Variants in ADCY1 observed in about 807,000 individuals in gnomAD.
ADCY1 encodes the protein adenylate cyclase 1.
ADCY1 carries 28 observed loss-of-function variants against 105.4 expected under a neutral mutation model. The ratio of observed to expected loss-of-function variants is 0.27; its 90% CI spans 0.20 to 0.36. The LOEUF (loss-of-function observed/expected upper bound fraction) is 0.36. ADCY1 is among the 10% of genes least tolerant of loss of function. The probability of loss-of-function intolerance (pLI) is 1.00; values close to 1 mark genes in which losing one functional copy is unlikely to be tolerated. For synonymous variants in ADCY1, 655 were observed against 623.8 expected, an observed-to-expected ratio of 1.05 and a Z score of -0.75; for missense variants, 977 against 1,434.2, an observed-to-expected ratio of 0.68 and a Z score of 5.15.
At chr7:45,620,754 C>T (rs1793869078) in intron 3 of ADCY1, among the ~76,000 whole-genome samples, 1 of 152,148 alleles carries the variant, frequency 6.6e-6, no homozygotes, top group Admixed American at 6.5e-5. Context: ...CATCGGAAAC[C>T]AGGGAGGCCA....
At chr7:45,711,913 A>ATTATATTT (rs1785251472) in intron 19 of ADCY1, among the ~76,000 whole-genome samples, 2 of 110,680 alleles carry the variant, frequency 1.8e-5, no homozygotes, top group African/African-American at 3.6e-5. Context: ...TAAATATATA[A>ATTATATTT]ATATATTATA....
chr7:45,655,550 C>G (rs527405125), intron 5 of ADCY1, among the ~76,000 whole-genome samples: 1 of 152,352 alleles, frequency 6.6e-6, no homozygotes, highest in South Asian at 2.1e-4. Flanking sequence ...ACTATGAGAA[C>G]AGTTCTGGGT....
At chr7:45,666,027 G>A (rs1181758035) in intron 8 of ADCY1, among the ~76,000 whole-genome samples, 1 of 152,162 alleles carries the variant, frequency 6.6e-6, no homozygotes, top group East Asian at 1.9e-4. Context: ...GTGCTCGCTC[G>A]CACCACTGAT....
In ADCY1 at chr7:45,691,943, G is replaced by A. The variant is rs997534988; in HGVS notation, c.2454+5270G>A. ...GGAGGAGTTTATGTCATATAAAGCCGTGGTCATCATGCTTCTTGGACCCTG... is the reference window on the plus strand; with the variant it reads ...GGAGGAGTTTATGTCATATAAAGCCATGGTCATCATGCTTCTTGGACCCTG... On this transcript the variant is annotated intron_variant, in intron 14 of 19. Transcript: ENST00000297323. 6.0e-5 allele frequency among the ~76,000 whole-genome samples: 9 copies of A among 151,246 alleles called. No individual in the cohort carries two copies. The South Asian group carries it at 8.3e-4, about 14-fold the overall frequency.
chr7:45,575,263 C>T lies in ADCY1; in HGVS notation c.639+81C>T, dbSNP rs1792300359. The T allele has an allele frequency of 2.0e-6, 3 of 1,488,670 alleles. No individual in the cohort carries two copies. Among genetic ancestry groups the T allele is most frequent in the Non-Finnish European group, 2.7e-6 (3 of 1,125,314 alleles). 92.2% of individuals were successfully genotyped at this position (1,488,670 alleles called of 1,614,324 possible). A position where few individuals can be genotyped will look rare whatever the true frequency, so the allele number is the denominator to read the frequency against. On this transcript the variant is annotated intron_variant, in intron 1 of 19. Transcript: ENST00000297323. This position sits in a 1 kb window ranked among gnomAD's most constrained non-coding sequence, Gnocchi z 4.7. ...CTGGGAATGCCCGGAGTCGGGCGCG[C>T]TTTTTCCTATGCGGCGGGTGGGGAC...
intron 4 of ADCY1, among the ~76,000 whole-genome samples, chr7:45,628,009 C>T (rs934906903): frequency 6.6e-6 from 1 of 152,194 alleles, no homozygotes; most frequent in East Asian, 1.9e-4. Context: ...CTGCCCCTGG[C>T]AGGCTCCTGG....
In ADCY1 at chr7:45,722,022, G is replaced by A. The variant is rs541211703; in HGVS notation, c.*8027G>A. Reference sequence around the variant, plus strand: ...CCTGCCTGTGGGCATCCACCTCCCAGGTGAGGGCAGTGGGAAGCTGGCCCG... The same window carrying A: ...CCTGCCTGTGGGCATCCACCTCCCAAGTGAGGGCAGTGGGAAGCTGGCCCG... On this transcript the variant is annotated 3_prime_UTR_variant, in exon 20 of 20. Transcript: ENST00000297323. The A allele has an allele frequency of 4.6e-5, 18 of 392,568 alleles. No individual in the cohort carries two copies. The South Asian group carries it at 1.9e-3, about 41-fold the overall frequency. 24.3% of individuals were successfully genotyped at this position (392,568 alleles called of 1,614,324 possible).
chr7:45,668,306 A>G (rs1247427811), intron 8 of ADCY1, among the ~76,000 whole-genome samples: 3 of 152,226 alleles, frequency 2.0e-5, no homozygotes, highest in Admixed American at 6.5e-5. Flanking sequence ...ACATCCCATC[A>G]ATACCTAATT....
At chr7:45,602,259 T>C (rs774859359) in intron 2 of ADCY1, among the ~76,000 whole-genome samples, 35 of 151,614 alleles carry the variant, frequency 2.3e-4, no homozygotes, top group Non-Finnish European at 5.0e-4. Flanking sequence ...GGCTTCAGGG[T>C]GTTCATGGTC....
Position 45,703,427 on chromosome 7 carries a change from A to G in ADCY1, c.2506A>G (p.Ile836Val). ...GAAGGTGAAGCTGGACAACAGGCGC[A>G]TCCTCTTCAACCTCCTGCCGGCCCA... ...MEKVKLDNRR[I>V]LFNLLPAHVA... The change falls in exon 15 of 20, where the codon ATC (isoleucine) becomes GTC (valine). Residue 836 changes from isoleucine to valine, a missense_variant. Around this residue, in one of 7 missense-constraint regions of ADCY1, gnomAD observed 152 missense variants for 293.7 expected, o/e 0.52. Coordinates refer to ENST00000297323, the MANE Select transcript of ADCY1 (RefSeq NM_021116.4). The surrounding 1 kb of genome is among the most constrained non-coding windows in gnomAD (Gnocchi z 5.9). The G allele has an allele frequency of 1.2e-6, 2 of 1,614,064 alleles. No individual in the cohort carries two copies. The highest frequency in any genetic ancestry group is 1.7e-6 in the Non-Finnish European group (2 of 1,179,980).
intron 14 of ADCY1, among the ~76,000 whole-genome samples, chr7:45,691,162 G>A (rs1784779956): frequency 1.3e-5 from 2 of 152,142 alleles, no homozygotes; most frequent in African/African-American, 2.4e-5. Context: ...CTGCCATGTC[G>A]TTCTCCATCC....
chr7:45,638,137 A>G (rs1794441554), intron 4 of ADCY1, among the ~76,000 whole-genome samples: 1 of 152,242 alleles, frequency 6.6e-6, no homozygotes. Flanking sequence ...TGTAAAAACA[A>G]AAAACAAAAA....
intron 11 of ADCY1, among the ~76,000 whole-genome samples, chr7:45,683,473 A>G (rs115516090): frequency 1.1e-3 from 169 of 152,250 alleles, no homozygotes; most frequent in African/African-American, 3.8e-3. Flanking sequence ...GCAGCTGCCC[A>G]CAAGGCCTGA....
intron 14 of ADCY1, among the ~76,000 whole-genome samples, chr7:45,693,833 G>A (rs1308584029): frequency 1.4e-5 from 2 of 140,904 alleles, no homozygotes; most frequent in Non-Finnish European, 3.1e-5. Context: ...GATGAAATTG[G>A]AAACCATCAT....
In ADCY1 at chr7:45,658,978, T is replaced by C. The variant is rs182521366; in HGVS notation, c.1308-1064T>C. 8.8e-4 allele frequency among the ~76,000 whole-genome samples: 134 copies of C among 152,346 alleles called. 4 individuals carry two copies. In the East Asian group the frequency reaches 0.019, roughly 22 times the overall value. ...CGGGGATCCAAGCACTCTGAGTTGA[T>C]GACAGGAATCGGCCCCTGTAGATGG... On this transcript the variant is annotated intron_variant, in intron 6 of 19. Transcript: ENST00000297323.
intron 4 of ADCY1, among the ~76,000 whole-genome samples, chr7:45,627,221 G>A (rs1042519830): frequency 2.0e-5 from 3 of 152,210 alleles, no homozygotes; most frequent in African/African-American, 4.8e-5. Flanking sequence ...CAGAGCCACA[G>A]CCAGGATTGG....
At chr7:45,629,440 G>T (rs947382870) in intron 4 of ADCY1, among the ~76,000 whole-genome samples, 3 of 151,972 alleles carry the variant, frequency 2.0e-5, no homozygotes, top group Non-Finnish European at 4.4e-5. Flanking sequence ...TCTATGTATG[G>T]GTATTCAGTT....
At chr7:45,636,728 A>G (rs1373154941) in intron 4 of ADCY1, among the ~76,000 whole-genome samples, 2 of 152,182 alleles carry the variant, frequency 1.3e-5, no homozygotes, top group African/African-American at 4.8e-5. Context: ...TTTAGTAGAG[A>G]AGGGTGTTCA....
rs536147205 is a variant in ADCY1 at position 45,619,173 on chromosome 7, C to T, written c.909-3459C>T. Among the ~76,000 whole-genome samples the T allele has an allele frequency of 6.6e-5, 10 of 152,104 alleles. No homozygotes were observed. In the East Asian group the frequency reaches 1.2e-3, roughly 18 times the overall value. On this transcript the variant is annotated intron_variant, in intron 3 of 19. Transcript: ENST00000297323. The stretch of plus-strand genomic sequence containing the variant: ...AAGCTAAAATAGTTGATCTCTTAGA[C>T]GTAGGCAGTGGAATAGTGGTTACTA...
Sources: gnomAD v4.1 joint callset for allele counts (sites outside exome capture counted in the v4.1 genomes callset) on GRCh38, gnomAD v4.1.1 for gene constraint, gnomAD v4.1.1 regional missense constraint, Gnocchi (gnomAD v3.1) non-coding constraint, MANE v1.5 for transcripts, NCBI Gene and HGNC (gene_info 2026-07-23, HGNC 2026-07-21) for gene names.